The following ZBTB7C variants were observed in gnomAD, a reference collection of about 807,000 sequenced individuals.
The protein encoded by ZBTB7C is zinc finger and BTB domain containing 7C.
Under a neutral mutation model 25.7 loss-of-function variants are expected in ZBTB7C, and 8 were observed. The observed-to-expected ratio is 0.31, with a 90% CI of 0.18 to 0.56. The LOEUF is 0.56. ZBTB7C is among the 20% of genes least tolerant of loss of function. The pLI is 0.91. For missense variants in ZBTB7C, 824 were observed against 855.2 expected (o/e 0.96, Z 0.46); for synonymous variants, 394 against 369.0 (o/e 1.07, Z -0.78).
At chr18:48,127,579 G>GT (rs1253794613) in intron 3 of ZBTB7C, among the ~76,000 whole-genome samples, 1 of 152,232 alleles carries the variant, frequency 6.6e-6, no homozygotes, top group African/African-American at 2.4e-5. Context: ...GCCCCCACTG[G>GT]TTGTGAGGAA....
At chr18:48,330,563 A>C (rs1434671169) in intron 2 of ZBTB7C, among the ~76,000 whole-genome samples, 1 of 151,658 alleles carries the variant, frequency 6.6e-6, no homozygotes, top group Non-Finnish European at 1.5e-5. Flanking sequence ...AAAAAGTGAT[A>C]TGATGATGAT....
intron 2 of ZBTB7C, among the ~76,000 whole-genome samples, chr18:48,187,207 T>A (rs890542157): frequency 1.3e-5 from 2 of 152,190 alleles, no homozygotes; most frequent in African/African-American, 4.8e-5. Flanking sequence ...AGCACTTTGT[T>A]TTTAAAAAGC....
intron 3 of ZBTB7C, among the ~76,000 whole-genome samples, chr18:48,172,472 T>C (rs566828557): frequency 1.3e-5 from 2 of 152,266 alleles, no homozygotes; most frequent in Admixed American, 1.3e-4. Context: ...CTGTGTGCCC[T>C]GTCTCCATGA....
At chr18:48,371,904 A>G (rs2047398092) in intron 1 of ZBTB7C, among the ~76,000 whole-genome samples, 1 of 151,992 alleles carries the variant, frequency 6.6e-6, no homozygotes, top group Non-Finnish European at 1.5e-5. Context: ...CCAGCTGATC[A>G]CTCACTCCAC....
At chr18:48,174,418 A>G (rs1198489921) in intron 3 of ZBTB7C, among the ~76,000 whole-genome samples, 1 of 152,282 alleles carries the variant, frequency 6.6e-6, no homozygotes, top group East Asian at 1.9e-4. Context: ...GAGATTGGCA[A>G]GAATTCCAAA....
intron 3 of ZBTB7C, among the ~76,000 whole-genome samples, chr18:48,163,835 A>G (rs1266613801): frequency 6.6e-6 from 1 of 152,208 alleles, no homozygotes; most frequent in African/African-American, 2.4e-5. Flanking sequence ...TCACTACCAG[A>G]TAAGAAAGTG....
chr18:48,074,175 A>G (rs1159149575), intron 3 of ZBTB7C, among the ~76,000 whole-genome samples: 4 of 151,956 alleles, frequency 2.6e-5, no homozygotes, highest in Non-Finnish European at 4.4e-5. Context: ...CACCACGCCT[A>G]GCTAATTTTT....
chr18:48,029,366 G>T lies in ZBTB7C; in HGVS notation c.1754C>A (p.Ala585Glu). The T allele has an allele frequency of 6.5e-7, 1 of 1,548,172 alleles. No individual in the cohort carries two copies. Among genetic ancestry groups the T allele is most frequent in the African/African-American group, 1.4e-5 (1 of 73,038 alleles). ...GTCGGGCAGCGGGAAGTAGGGCCGCGCCGCCGCCACGTTCTCGGCCAGCGC... is the reference window on the plus strand; with the variant it reads ...GTCGGGCAGCGGGAAGTAGGGCCGCTCCGCCGCCACGTTCTCGGCCAGCGC... Reference protein sequence around the residue: ...AFALAENVAAARPYFPLPDPW... With the variant: ...AFALAENVAAERPYFPLPDPW... The change falls in exon 5 of 5, where the codon GCG (alanine) becomes GAG (glutamate). Residue 585 changes from alanine to glutamate, a missense_variant. Around this residue, in one of 4 missense-constraint regions of ZBTB7C, gnomAD observed 342 missense variants for 307.0 expected, o/e 1.11. Transcript: ENST00000590800.
intron 2 of ZBTB7C, among the ~76,000 whole-genome samples, chr18:48,291,147 G>A (rs1271899516): frequency 6.6e-6 from 1 of 152,224 alleles, no homozygotes; most frequent in Non-Finnish European, 1.5e-5. Flanking sequence ...TATAAGTAGA[G>A]GGCTGGCTGA....
intron 2 of ZBTB7C, among the ~76,000 whole-genome samples, chr18:48,309,368 G>C (rs1371915812): frequency 6.6e-6 from 1 of 152,208 alleles, no homozygotes; most frequent in Non-Finnish European, 1.5e-5. Context: ...TTCTTTAAAA[G>C]CTACTGCTGC....
intron 3 of ZBTB7C, among the ~76,000 whole-genome samples, chr18:48,184,253 C>T (rs1430609396): frequency 2.6e-5 from 4 of 152,136 alleles, no homozygotes; most frequent in Non-Finnish European, 5.9e-5. Flanking sequence ...GACCCCGTGG[C>T]GCAGCACAAT....
chr18:48,409,410 C>A (rs1235894735), upstream of ZBTB7C: 1 of 146,712 alleles, frequency 6.8e-6, no homozygotes, highest in Admixed American at 6.8e-5. Flanking sequence ...AGCGGGCGAG[C>A]GGGCAGCTCC....
chr18:48,039,184 T>C (rs4072727), intron 4 of ZBTB7C, among the ~76,000 whole-genome samples: 54,425 of 152,042 alleles, frequency 0.36, 10,237 homozygotes, highest in African/African-American at 0.47. Context: ...CCCCCTTCCT[T>C]AAATGGAAAG....
chr18:48,159,163 CTTAT>C (rs138589659), intron 3 of ZBTB7C, among the ~76,000 whole-genome samples: 2,919 of 152,202 alleles, frequency 0.019, 94 homozygotes, highest in African/African-American at 0.067. Flanking sequence ...GGGGTCATGG[CTTAT>C]TTATTTATTT....
At chr18:48,218,766 G>A (rs1568309945) in intron 2 of ZBTB7C, among the ~76,000 whole-genome samples, 1 of 152,162 alleles carries the variant, frequency 6.6e-6, no homozygotes, top group Admixed American at 6.5e-5. Flanking sequence ...TCCACGCTCT[G>A]CATGTGGGGC....
chr18:48,241,530 T>C (rs2043524762), intron 2 of ZBTB7C, among the ~76,000 whole-genome samples: 1 of 152,028 alleles, frequency 6.6e-6, no homozygotes, highest in Admixed American at 6.6e-5. Context: ...TGGAATAAAA[T>C]TGGCAATCAA....
intron 2 of ZBTB7C, among the ~76,000 whole-genome samples, chr18:48,227,836 G>A (rs913286324): frequency 7.9e-5 from 12 of 152,172 alleles, no homozygotes; most frequent in Non-Finnish European, 1.2e-4. Context: ...GACATGGAGG[G>A]TCCCCTTGTC....
chr18:48,409,734 A>G (rs2048361510), upstream of ZBTB7C, among the ~76,000 whole-genome samples: 1 of 151,856 alleles, frequency 6.6e-6, no homozygotes, highest in African/African-American at 2.4e-5. Context: ...CCCGACGCGG[A>G]GGCGGAGTGG....
intron 2 of ZBTB7C, among the ~76,000 whole-genome samples, chr18:48,286,001 T>C (rs2045038015): frequency 6.6e-6 from 1 of 151,896 alleles, no homozygotes; most frequent in Non-Finnish European, 1.5e-5. Flanking sequence ...AACCCACACA[T>C]GAGCTCCCTT....
Sources: gnomAD v4.1 joint callset for allele counts (sites outside exome capture counted in the v4.1 genomes callset) on GRCh38, gnomAD v4.1.1 for gene constraint, gnomAD v4.1.1 regional missense constraint, MANE v1.5 for transcripts, NCBI Gene and HGNC (gene_info 2026-07-23, HGNC 2026-07-21) for gene names.